KCNB2: variants seen among roughly 807,000 people sequenced by gnomAD.
KCNB2 encodes the protein potassium voltage-gated channel subfamily B member 2.
In KCNB2, 15 loss-of-function variants were observed where a neutral mutation model predicts 61.5. That is an observed-to-expected ratio of 0.24 (90% CI 0.16 to 0.38). KCNB2 has a LOEUF of 0.38. Ranked by LOEUF, KCNB2 falls within the 10% of genes least tolerant of loss-of-function variation. The pLI, the probability that KCNB2 is intolerant of heterozygous loss-of-function variation, is 1.00. For missense variants in KCNB2, 828 were observed against 1,125.2 expected, an observed-to-expected ratio of 0.74 and a Z score of 3.78; for synonymous variants, 457 against 446.0, an observed-to-expected ratio of 1.02 and a Z score of -0.31.
At chr8:72,759,317 T>C (rs1348049960) in intron 2 of KCNB2, among the ~76,000 whole-genome samples, 1 of 152,210 alleles carries the variant, frequency 6.6e-6, no homozygotes, top group Non-Finnish European at 1.5e-5. Flanking sequence ...CACCTCTCTA[T>C]ATTCATTGGA....
intron 2 of KCNB2, among the ~76,000 whole-genome samples, chr8:72,599,699 A>T (rs763270513): frequency 5.8e-4 from 89 of 152,150 alleles, no homozygotes; most frequent in Non-Finnish European, 1.1e-3. Flanking sequence ...CCTCCTCATC[A>T]GACAAAGGGC....
At chr8:72,685,344 A>G (rs1319005237) in intron 2 of KCNB2, among the ~76,000 whole-genome samples, 2 of 152,162 alleles carry the variant, frequency 1.3e-5, no homozygotes, top group African/African-American at 2.4e-5. Context: ...ACATAAGTTC[A>G]TAAGGACTTG....
intron 2 of KCNB2, among the ~76,000 whole-genome samples, chr8:72,613,808 T>G (rs10957608): frequency 0.17 from 26,387 of 152,212 alleles, 2,708 homozygotes; most frequent in East Asian, 0.51. Context: ...TTTCTTCTGC[T>G]GTAAATTCAG....
In KCNB2 at chr8:72,594,401, G is replaced by C. The variant is rs547680951; in HGVS notation, c.579+26088G>C. Among the ~76,000 whole-genome samples the C allele has an allele frequency of 2.6e-5, 4 of 152,244 alleles. No homozygotes were observed. The South Asian group carries it at 8.3e-4, about 32-fold the overall frequency. Reference sequence around the variant, plus strand: ...AAGATATAAGTCAAATATATAGTCAGGTAGAAGAATTGTTAAACTGCTTTA... The same window carrying C: ...AAGATATAAGTCAAATATATAGTCACGTAGAAGAATTGTTAAACTGCTTTA... On this transcript the variant is annotated intron_variant, in intron 2 of 2. Transcript: ENST00000523207.
intron 2 of KCNB2, among the ~76,000 whole-genome samples, chr8:72,617,454 A>C (rs971045014): frequency 6.6e-6 from 1 of 151,968 alleles, no homozygotes; most frequent in East Asian, 1.9e-4. Context: ...TCTCCATCCA[A>C]CTCCAGAGAG....
chr8:72,633,191 G>A (rs1247056229), intron 2 of KCNB2, among the ~76,000 whole-genome samples: 1 of 152,116 alleles, frequency 6.6e-6, no homozygotes, highest in African/African-American at 2.4e-5. Flanking sequence ...GAAGGAGGGC[G>A]GTGGTCCCTG....
chr8:72,821,449 A>G (rs981652951), intron 2 of KCNB2, among the ~76,000 whole-genome samples: 1 of 152,100 alleles, frequency 6.6e-6, no homozygotes, highest in Non-Finnish European at 1.5e-5. Context: ...ATGGCCTTGG[A>G]TGATGCTTAG....
chr8:72,620,443 A>G (rs902816568), intron 2 of KCNB2, among the ~76,000 whole-genome samples: 1 of 152,178 alleles, frequency 6.6e-6, no homozygotes, highest in African/African-American at 2.4e-5. Context: ...AATTACTGGA[A>G]CTAAAGGATA....
chr8:72,748,013 C>T (rs1241787917), intron 2 of KCNB2, among the ~76,000 whole-genome samples: 1 of 152,180 alleles, frequency 6.6e-6, no homozygotes, highest in East Asian at 1.9e-4. Context: ...CTTTGTTCAG[C>T]TCCCCTGCTC....
intron 2 of KCNB2, among the ~76,000 whole-genome samples, chr8:72,602,893 G>A (rs886934351): frequency 6.6e-6 from 1 of 151,740 alleles, no homozygotes; most frequent in African/African-American, 2.4e-5. Context: ...GGAATTCATG[G>A]CCATCTTTGA....
chr8:72,579,569 C>T (rs370909118), intron 2 of KCNB2, among the ~76,000 whole-genome samples: 2 of 152,302 alleles, frequency 1.3e-5, no homozygotes, highest in East Asian at 1.9e-4. Context: ...ACCCTCTGCC[C>T]TCCCTTAATC....
chr8:72,910,685 G>C (rs529829366), intron 2 of KCNB2, among the ~76,000 whole-genome samples: 3 of 152,186 alleles, frequency 2.0e-5, no homozygotes, highest in Non-Finnish European at 4.4e-5. Flanking sequence ...TGACCCCTGA[G>C]ACAAGCGTTT....
At chr8:72,726,392 A>T (rs1412162936) in intron 2 of KCNB2, among the ~76,000 whole-genome samples, 1 of 152,232 alleles carries the variant, frequency 6.6e-6, no homozygotes, top group Non-Finnish European at 1.5e-5. Context: ...ACGGCAACCC[A>T]TGCTGACGCA....
intron 1 of KCNB2, among the ~76,000 whole-genome samples, chr8:72,555,812 GGTTA>G (rs1414876892): frequency 6.6e-6 from 1 of 151,822 alleles, no homozygotes; most frequent in Non-Finnish European, 1.5e-5. Flanking sequence ...ACAATGTGCA[GGTTA>G]GTTACATATG....
chr8:72,693,446 G>C (rs995782891), intron 2 of KCNB2, among the ~76,000 whole-genome samples: 5 of 152,080 alleles, frequency 3.3e-5, no homozygotes, highest in African/African-American at 1.2e-4. Flanking sequence ...TCAGGGGCTT[G>C]AGAGACTGTG....
chr8:72,779,830 A>G (rs961306241), intron 2 of KCNB2, among the ~76,000 whole-genome samples: 1 of 152,188 alleles, frequency 6.6e-6, no homozygotes, highest in Non-Finnish European at 1.5e-5. Flanking sequence ...GAATAATGAG[A>G]GCTGTATAAA....
intron 2 of KCNB2, among the ~76,000 whole-genome samples, chr8:72,908,309 G>C (rs897611962): frequency 4.6e-5 from 7 of 152,122 alleles, no homozygotes; most frequent in Non-Finnish European, 1.0e-4. Context: ...TTATTGCATA[G>C]AACCTCAGTG....
At chr8:72,718,713 A>G (rs1807492425) in intron 2 of KCNB2, among the ~76,000 whole-genome samples, 1 of 151,988 alleles carries the variant, frequency 6.6e-6, no homozygotes, top group African/African-American at 2.4e-5. Context: ...ACCTAATGCT[A>G]AATGATGAGT....
At position 72,573,397 on chromosome 8, in the gene KCNB2, T is replaced by C. The variant is rs565060272; in HGVS notation, c.579+5084T>C. Among the ~76,000 whole-genome samples, 11 of 152,338 alleles carry C rather than the reference T, an allele frequency of 7.2e-5. No homozygotes were observed. In the East Asian group the frequency reaches 1.5e-3, roughly 21 times the overall value. On this transcript the variant is annotated intron_variant, in intron 2 of 2. Transcript: ENST00000523207. ...GTGAACAGCTTGGGCTGTATAACAC[T>C]CTTTGTTTAGCTTTCTGATGACCAT... is the stretch of plus-strand genomic sequence containing the variant.
Sources: allele counts gnomAD v4.1 joint callset (sites outside exome capture counted in the v4.1 genomes callset), GRCh38; gene constraint gnomAD v4.1.1; transcripts MANE v1.5; gene names NCBI Gene and HGNC (gene_info 2026-07-23, HGNC 2026-07-21).